The following CAP2 variants were observed in gnomAD, a reference collection of about 807,000 sequenced individuals.
CAP2 encodes cyclase associated actin cytoskeleton regulatory protein 2.
A neutral mutation model predicts 57.7 loss-of-function variants in CAP2; 24 were observed. The ratio of observed to expected loss-of-function variants is 0.42; its 90% confidence interval spans 0.30 to 0.58. The LOEUF (loss-of-function observed/expected upper bound fraction) is 0.58. Ranked by LOEUF, CAP2 falls within the 20% of genes least tolerant of loss-of-function variation. The pLI is 0.22. For missense variants in CAP2, 501 were observed against 590.3 expected (o/e 0.85, Z 1.57); for synonymous variants, 194 against 207.2 (o/e 0.94, Z 0.55).
chr6:17,548,274 G>A (rs1039700882), intron 11 of CAP2, among the ~76,000 whole-genome samples: 2 of 151,814 alleles, frequency 1.3e-5, no homozygotes, highest in East Asian at 1.9e-4. Flanking sequence ...GGCTGAGGCC[G>A]GAGAATCGCT....
intron 4 of CAP2, among the ~76,000 whole-genome samples, chr6:17,474,271 C>T (rs1455058685): frequency 1.4e-5 from 2 of 139,262 alleles, no homozygotes; most frequent in Non-Finnish European, 3.0e-5. Flanking sequence ...TAGTGGCAAA[C>T]ACCTCGAAAA....
At chr6:17,485,489 G>A (rs1761398369) in intron 4 of CAP2, among the ~76,000 whole-genome samples, 1 of 152,130 alleles carries the variant, frequency 6.6e-6, no homozygotes. Flanking sequence ...AAAACGACAG[G>A]AATGGTGACT....
At chr6:17,398,225 A>G (rs538297966) in intron 1 of CAP2, among the ~76,000 whole-genome samples, 7 of 152,200 alleles carry the variant, frequency 4.6e-5, no homozygotes, top group Non-Finnish European at 1.0e-4. Flanking sequence ...CATCAAAGGA[A>G]CATTACTTTA....
At chr6:17,500,441 T>C (rs1185267578) in intron 4 of CAP2, among the ~76,000 whole-genome samples, 1 of 139,240 alleles carries the variant, frequency 7.2e-6, no homozygotes, top group African/African-American at 2.6e-5. Context: ...CGATCTCGGC[T>C]TACTGCAAGC....
At chr6:17,450,919 T>C (rs972846747) in intron 3 of CAP2, among the ~76,000 whole-genome samples, 4 of 152,220 alleles carry the variant, frequency 2.6e-5, no homozygotes, top group Non-Finnish European at 5.9e-5. Context: ...TGTGATTTGG[T>C]TGGTATTTGA....
intron 7 of CAP2, among the ~76,000 whole-genome samples, chr6:17,526,085 C>A (rs944357459): frequency 1.3e-5 from 2 of 150,818 alleles, no homozygotes; most frequent in Admixed American, 1.3e-4. Context: ...AACTATAGAT[C>A]ATGTCTGTTT....
At chr6:17,464,512 T>G (rs1165283782) in intron 4 of CAP2, among the ~76,000 whole-genome samples, 1 of 152,138 alleles carries the variant, frequency 6.6e-6, no homozygotes, top group Non-Finnish European at 1.5e-5. Context: ...TGCAGTAGAA[T>G]CACCTGCAAA....
chr6:17,449,606 G>C (rs1002283541), intron 3 of CAP2, among the ~76,000 whole-genome samples: 1 of 151,416 alleles, frequency 6.6e-6, no homozygotes, highest in Non-Finnish European at 1.5e-5. Flanking sequence ...GCGGGGTTTC[G>C]CCATGTTGAC....
At chr6:17,455,540 T>G (rs1170401608) in intron 3 of CAP2, among the ~76,000 whole-genome samples, 2 of 143,912 alleles carry the variant, frequency 1.4e-5, no homozygotes, top group Non-Finnish European at 3.1e-5. Flanking sequence ...TGCTCTAAAC[T>G]TTTTTTTTTT....
intron 3 of CAP2, among the ~76,000 whole-genome samples, chr6:17,436,088 TC>T (rs201241643): frequency 2.0e-4 from 27 of 132,920 alleles, no homozygotes; most frequent in South Asian, 1.8e-3. Context: ...TTTCTTTCTT[TC>T]CTTCCTTCCT....
chr6:17,405,311 G>A (rs1306111747), intron 1 of CAP2, among the ~76,000 whole-genome samples: 1 of 152,138 alleles, frequency 6.6e-6, no homozygotes, highest in Non-Finnish European at 1.5e-5. Context: ...GAACCCAGGA[G>A]GCAAAGGTTG....
chr6:17,464,030 G>A (rs963996238), intron 4 of CAP2, among the ~76,000 whole-genome samples: 1 of 152,054 alleles, frequency 6.6e-6, no homozygotes, highest in Admixed American at 6.6e-5. Context: ...CATTCCCCAG[G>A]CCCTGAAAAT....
At chr6:17,414,697 T>C (rs1581498000) in intron 1 of CAP2, among the ~76,000 whole-genome samples, 1 of 152,330 alleles carries the variant, frequency 6.6e-6, no homozygotes, top group African/African-American at 2.4e-5. Context: ...TTATTGTAAA[T>C]AGTGCTGCAA....
At chr6:17,534,619 C>T (rs1023966871) in intron 7 of CAP2, among the ~76,000 whole-genome samples, 1 of 152,154 alleles carries the variant, frequency 6.6e-6, no homozygotes, top group Non-Finnish European at 1.5e-5. Context: ...GCCCTCCGCC[C>T]GTGCCCCCTC....
At chr6:17,422,912 T>TG (rs1342971566) in intron 2 of CAP2, among the ~76,000 whole-genome samples, 1 of 152,212 alleles carries the variant, frequency 6.6e-6, no homozygotes, top group Non-Finnish European at 1.5e-5. Flanking sequence ...AACACTTTTT[T>TG]GGGGGGTATA....
At chr6:17,424,908 A>C (rs1759548172) in intron 2 of CAP2, among the ~76,000 whole-genome samples, 1 of 152,232 alleles carries the variant, frequency 6.6e-6, no homozygotes, top group African/African-American at 2.4e-5. Context: ...CCATAGCAAC[A>C]AACAGGTTTA....
At chr6:17,444,804 C>CCA (rs142931025) in intron 3 of CAP2, among the ~76,000 whole-genome samples, 12,461 of 140,372 alleles carry the variant, frequency 0.089, 958 homozygotes, top group African/African-American at 0.21. Context: ...TTCTCTCTCT[C>CCA]CACACACACA....
chr6:17,444,804 CCACACACACA>C (rs142931025), intron 3 of CAP2, among the ~76,000 whole-genome samples: 17 of 140,518 alleles, frequency 1.2e-4, no homozygotes, highest in East Asian at 4.3e-4. Flanking sequence ...TTCTCTCTCT[CCACACACACA>C]CACACACACA....
chr6:17,438,641 G>A (rs540720596), intron 3 of CAP2, among the ~76,000 whole-genome samples: 1,464 of 146,042 alleles, frequency 0.01, 81 homozygotes, highest in African/African-American at 0.035. Context: ...GGGTTTCACA[G>A]TGTTAGCCAG....
Sources: gnomAD v4.1 joint callset for allele counts (sites outside exome capture counted in the v4.1 genomes callset) on GRCh38, gnomAD v4.1.1 for gene constraint, MANE v1.5 for transcripts, NCBI Gene and HGNC (gene_info 2026-07-23, HGNC 2026-07-21) for gene names.